NNMT: variants seen among roughly 807,000 people sequenced by gnomAD.
NNMT encodes nicotinamide N-methyltransferase.
Under a neutral mutation model 11.7 loss-of-function variants are expected in NNMT, and 10 were observed. The observed-to-expected ratio is 0.85, with a 90% CI of 0.53 to 1.45. The LOEUF is 1.45. Ranked by LOEUF, NNMT falls within the 40% of genes most tolerant of loss-of-function variation. NNMT has a pLI of 0.00. For synonymous variants in NNMT, 143 were observed against 133.8 expected (o/e 1.07, Z -0.48); for missense variants, 381 against 319.4 (o/e 1.19, Z -1.47).
At chr11:114,279,877 A>G (rs1396804788) in intron 2 of NNMT, among the ~76,000 whole-genome samples, 3 of 152,214 alleles carry the variant, frequency 2.0e-5, no homozygotes, top group African/African-American at 7.2e-5. Flanking sequence ...TGGAGTCTTT[A>G]CAAAGAGGTA....
In NNMT at chr11:114,298,159, G is replaced by T. The variant is rs1209987314; in HGVS notation, c.362+1G>T. ...ATGTGTGTGATCTTGAAGGGAACAG[G>T]TAGAGAAACTGGTGTCTACTTCTTG... On this transcript the variant is annotated splice_donor_variant, in intron 2 of 2. Transcript: ENST00000299964. LOFTEE classifies it high-confidence loss of function. 6 of 1,613,806 alleles carry T rather than the reference G, an allele frequency of 3.7e-6. No homozygotes were observed. The highest frequency in any genetic ancestry group is 5.1e-6 in the Non-Finnish European group (6 of 1,179,766).
At chr11:114,272,421 G>T (rs1459922816) in intron 2 of NNMT, among the ~76,000 whole-genome samples, 6 of 152,168 alleles carry the variant, frequency 3.9e-5, no homozygotes, top group African/African-American at 1.4e-4. Flanking sequence ...CTGGGGCAGG[G>T]TTAGAGAGGG....
rs139308303 is a variant in NNMT at position 114,297,953 on chromosome 11, G to C, written c.157G>C (p.Gly53Arg). ...CTTTGTTCCTCCCACTAATCCAGAC[G>C]GTGTGAAGGGAGACCTGCTGATTGA... Reference protein sequence around the residue: ...KNLFKIFCLDGVKGDLLIDIG... With the variant: ...KNLFKIFCLDRVKGDLLIDIG... Residue 53 changes from glycine (G) to arginine (R), a missense_variant and splice_region_variant, in exon 2 of 3, where the codon GGT (glycine) becomes CGT (arginine). Gly to Arg is a moderately radical substitution (Grantham distance 125). Transcript: ENST00000299964. 1 of 1,612,442 alleles carries C rather than the reference G, an allele frequency of 6.2e-7. No individual in the cohort carries two copies. Among genetic ancestry groups the C allele is most frequent in the African/African-American group, 1.3e-5 (1 of 74,970 alleles).
intron 2 of NNMT, among the ~76,000 whole-genome samples, chr11:114,280,063 T>G (rs1196864137): frequency 1.3e-5 from 2 of 152,104 alleles, no homozygotes; most frequent in Non-Finnish European, 2.9e-5. Flanking sequence ...TCAGGAAACA[T>G]GTACTGAGAG....
intron 2 of NNMT, among the ~76,000 whole-genome samples, chr11:114,301,728 T>C (rs1031505335): frequency 6.6e-6 from 1 of 152,036 alleles, no homozygotes; most frequent in African/African-American, 2.4e-5. Flanking sequence ...CCATGGAATG[T>C]ACAATACCAA....
At chr11:114,259,046 A>G (rs1642961599) in intron 1 of NNMT, among the ~76,000 whole-genome samples, 1 of 152,188 alleles carries the variant, frequency 6.6e-6, no homozygotes, top group African/African-American at 2.4e-5. Flanking sequence ...CCATTTAGTC[A>G]CCTGTTTCCT....
chr11:114,266,648 T>C (rs1945122199), intron 2 of NNMT, among the ~76,000 whole-genome samples: 1 of 152,164 alleles, frequency 6.6e-6, no homozygotes, highest in African/African-American at 2.4e-5. Flanking sequence ...CTGCTATGGT[T>C]TGAATGTGTC....
intron 2 of NNMT, among the ~76,000 whole-genome samples, chr11:114,287,598 T>C (rs1238911100): frequency 6.6e-6 from 1 of 152,216 alleles, no homozygotes; most frequent in Non-Finnish European, 1.5e-5. Context: ...TCTATTGGTC[T>C]ATTTGTCAAT....
upstream of NNMT, among the ~76,000 whole-genome samples, chr11:114,295,413 A>G (rs1945365756): frequency 6.9e-6 from 1 of 145,834 alleles, no homozygotes; most frequent in Non-Finnish European, 1.5e-5. Flanking sequence ...GGGGATTTAA[A>G]GAATTCTTTT....
chr11:114,258,202 G>T (rs1945045861), intron 1 of NNMT, among the ~76,000 whole-genome samples: 1 of 152,244 alleles, frequency 6.6e-6, no homozygotes, highest in African/African-American at 2.4e-5. Context: ...GCAGGGGCTG[G>T]GAGGATGCCG....
chr11:114,289,248 C>T (rs1263241094), intron 2 of NNMT, among the ~76,000 whole-genome samples: 1 of 152,176 alleles, frequency 6.6e-6, no homozygotes, highest in Non-Finnish European at 1.5e-5. Context: ...CCTTTTTATT[C>T]CTGACACTGG....
intron 2 of NNMT, among the ~76,000 whole-genome samples, chr11:114,302,926 T>A (rs531126464): frequency 3.9e-5 from 6 of 152,272 alleles, no homozygotes; most frequent in Admixed American, 1.3e-4. Context: ...AAGTCAGCTG[T>A]CTGTGGCCCA....
chr11:114,310,213 A>T (rs1166868013), intron 2 of NNMT, among the ~76,000 whole-genome samples: 1 of 152,342 alleles, frequency 6.6e-6, no homozygotes, highest in African/African-American at 2.4e-5. Flanking sequence ...GGACTATTTT[A>T]CATTGTCAGC....
At chr11:114,278,446 A>G (rs1945231825) in intron 2 of NNMT, among the ~76,000 whole-genome samples, 1 of 152,142 alleles carries the variant, frequency 6.6e-6, no homozygotes, top group South Asian at 2.1e-4. Flanking sequence ...TATCAGCTAC[A>G]TCAAGAATGT....
intron 2 of NNMT, among the ~76,000 whole-genome samples, chr11:114,309,909 T>C (rs1193040972): frequency 1.3e-5 from 2 of 152,218 alleles, no homozygotes; most frequent in Non-Finnish European, 2.9e-5. Flanking sequence ...GCTTTTTTCA[T>C]TTAGCCTGTG....
intron 2 of NNMT, among the ~76,000 whole-genome samples, chr11:114,310,001 T>G (rs1321891454): frequency 6.6e-6 from 1 of 152,250 alleles, no homozygotes. Flanking sequence ...TATATGTATA[T>G]ATCACATTTT....
chr11:114,299,824 A>G (rs931281982), intron 2 of NNMT, among the ~76,000 whole-genome samples: 3 of 150,192 alleles, frequency 2.0e-5, no homozygotes, highest in African/African-American at 7.4e-5. Flanking sequence ...TCCTTTTAAT[A>G]CCTTATTATG....
chr11:114,303,113 A>T (rs1941400), intron 2 of NNMT, among the ~76,000 whole-genome samples: 1 of 152,154 alleles, frequency 6.6e-6, no homozygotes, highest in African/African-American at 2.4e-5. Flanking sequence ...TTTTATATTT[A>T]CCCACATATC....
chr11:114,289,933 GTCTGGTGAGGGCCTGTTT>G (rs1945323224), intron 2 of NNMT, among the ~76,000 whole-genome samples: 1 of 152,158 alleles, frequency 6.6e-6, no homozygotes, highest in East Asian at 1.9e-4. Context: ...CAGATTCAGT[GTCTGGTGAGGGCCTGTTT>G]CCTTCTTCGT....
Sources: gnomAD v4.1 joint callset for allele counts (sites outside exome capture counted in the v4.1 genomes callset) on GRCh38, gnomAD v4.1.1 for gene constraint, MANE v1.5 for transcripts, NCBI Gene and HGNC (gene_info 2026-07-23, HGNC 2026-07-21) for gene names.